Variants in RPLP0 observed in about 807,000 individuals in gnomAD.
The protein encoded by RPLP0 is large ribosomal subunit protein uL10.
For missense variants in RPLP0, 276 were observed against 402.9 expected (o/e 0.69, Z 2.70); for synonymous variants, 137 against 153.4 (o/e 0.89, Z 0.79).
chr12:120,197,244 G>T (rs796315987), intron 7 of RPLP0, 78 bp downstream of exon 7: 4 of 1,305,162 alleles, frequency 3.1e-6, no homozygotes, highest in East Asian at 4.6e-5. Context: ...AACTATAAAA[G>T]CAGTAAGGTA....
rs7299429 is a variant in RPLP0 at position 120,198,044 on chromosome 12, G to T, written c.651+510C>A. Among the ~76,000 whole-genome samples, 32,946 of 151,778 alleles carry T rather than the reference G, an allele frequency of 0.22. 4,406 individuals are homozygous for T. Among genetic ancestry groups the T allele is most frequent in the East Asian group, 0.56 (2,865 of 5,156 alleles). On this transcript the variant is annotated intron_variant, in intron 6 of 7. Transcript: ENST00000392514. This position sits in a 1 kb window ranked among gnomAD's most constrained non-coding sequence, Gnocchi z 4.1. ...CTTAAAAGGCTTTTGATGGCAAAAT[G>T]TGAGTCTCAATGCAGGCCCTAGAAT... is the stretch of plus-strand genomic sequence containing the variant.
intron 6 of RPLP0, 108 bp from the exon 7 acceptor site, chr12:120,197,570 G>C (rs1382029096): frequency 1.5e-6 from 2 of 1,337,934 alleles, no homozygotes; most frequent in African/African-American, 2.9e-5. Context: ...CAGGTTGGCA[G>C]CTCAGTCTCA....
In RPLP0 at chr12:120,198,542, G is replaced by A. The variant is rs760450764; in HGVS notation, c.651+12C>T. 19 of 1,613,964 alleles carry A rather than the reference G, an allele frequency of 1.2e-5. No homozygotes were observed. Among genetic ancestry groups the A allele is most frequent in the African/African-American group, 2.7e-5 (2 of 74,904 alleles). On this transcript the variant is annotated intron_variant, in intron 6 of 7. Coordinates refer to ENST00000392514, the MANE Select transcript of RPLP0 (RefSeq NM_001002.4). The surrounding 1 kb of genome is among the most constrained non-coding windows in gnomAD (Gnocchi z 4.1). The stretch of plus-strand genomic sequence containing the variant: ...CATCAGTGTAAGAGGGGGCAAGGCT[G>A]ACAGCATATACCTCCAGGAAGCGAG...
At chr12:120,199,059 C>T (rs1268932170) in intron 4 of RPLP0, 59 bp from the exon 5 acceptor site, 1 of 1,611,408 alleles carries the variant, frequency 6.2e-7, no homozygotes, top group Admixed American at 1.7e-5. Context: ...TGAGAATGGT[C>T]CATTTTGCTT....
At chr12:120,197,297 T>G (rs1879218395) in intron 7 of RPLP0, 25 bp downstream of exon 7, 1 of 1,607,566 alleles carries the variant, frequency 6.2e-7, no homozygotes, top group Non-Finnish European at 8.5e-7. Context: ...TCAGGCCCAC[T>G]GTGGTCCTGG....
rs1879197071 is a variant in RPLP0, at chr12:120,196,784, G to A, written c.943C>T (p.Leu315Phe). The A allele has an allele frequency of 6.3e-7, 1 of 1,576,104 alleles. No homozygotes were observed. The highest frequency in any genetic ancestry group is 8.7e-7 in the Non-Finnish European group (1 of 1,155,804). Residue 315 changes from leucine (L) to phenylalanine (F), a missense_variant, in exon 8 of 8, where the codon CTC (leucine) becomes TTC (phenylalanine). Leu to Phe is a conservative substitution (Grantham distance 22). Coordinates refer to ENST00000392514, the MANE Select transcript of RPLP0 (RefSeq NM_001002.4). ...EESDEDMGFG[L>F]FD The stretch of plus-strand genomic sequence containing the variant: ...TTGCTTTTTGGTGATTAGTCAAAGA[G>A]ACCAAATCCCATATCCTCGTCCGAC...
chr12:120,200,500 A>G (rs1050340201), intron 2 of RPLP0: 23 of 531,064 alleles, frequency 4.3e-5, no homozygotes, highest in African/African-American at 4.3e-4. Flanking sequence ...TTTAGAAGCC[A>G]GACAGACCTG....
chr12:120,199,246 C>T (rs367982267), intron 3 of RPLP0, 41 bp from the exon 4 acceptor site: 5 of 1,612,914 alleles, frequency 3.1e-6, no homozygotes, highest in East Asian at 2.2e-5. Flanking sequence ...CCTTTCAGCA[C>T]CATTCTCCAG....
chr12:120,198,216 A>C lies in RPLP0; in HGVS notation c.651+338T>G. 3.4e-6 allele frequency: 1 copy of C among 295,286 alleles called. No homozygotes were observed. Among genetic ancestry groups the C allele is most frequent in the Non-Finnish European group, 6.6e-6 (1 of 150,660 alleles). 18.3% of individuals were successfully genotyped at this position (295,286 alleles called of 1,614,324 possible). The stretch of plus-strand genomic sequence containing the variant: ...GACACCATCCTGGCTAACGCGGTGA[A>C]ACCTAAAAATACAAAAAAATTAGCC... On this transcript the variant is annotated intron_variant, in intron 6 of 7. Transcript: ENST00000392514. The surrounding 1 kb of genome is among the most constrained non-coding windows in gnomAD (Gnocchi z 4.1).
intron 2 of RPLP0, 180 bp from the exon 3 acceptor site, chr12:120,199,665 T>G (rs1594299588): frequency 4.8e-6 from 3 of 624,494 alleles, no homozygotes; most frequent in Non-Finnish European, 5.5e-6. Context: ...GCTAGCTGGG[T>G]ATGAACGCTG....
chr12:120,200,685 C>T, intron 2 of RPLP0, 45 bp downstream of exon 2: 1 of 1,588,822 alleles, frequency 6.3e-7, no homozygotes. Context: ...TCCCTATTTG[C>T]GCTGGGGCAA....
intron 2 of RPLP0, chr12:120,200,480 A>T (rs935266622): frequency 6.2e-6 from 3 of 484,120 alleles, no homozygotes; most frequent in Non-Finnish European, 1.1e-5. Flanking sequence ...AAAAGTATAA[A>T]GCGCGCTCTT....
At chr12:120,200,862 C>A in intron 1 of RPLP0, 31 bp from the exon 2 acceptor site, 4 of 1,552,728 alleles carry the variant, frequency 2.6e-6, no homozygotes, top group South Asian at 1.2e-5. Flanking sequence ...CAGGCCTGGT[C>A]ACGCCGACAC....
intron 7 of RPLP0, 58 bp from the exon 8 acceptor site, chr12:120,196,992 C>G (rs190001053): frequency 2.5e-5 from 40 of 1,604,678 alleles, no homozygotes; most frequent in Non-Finnish European, 3.1e-5. Context: ...TTACCCACCA[C>G]CCTCCTGCCT....
rs1879261662 is a variant in RPLP0 at position 120,198,313 on chromosome 12, G to A, written c.651+241C>T. 2.1e-6 allele frequency: 1 copy of A among 478,282 alleles called. No individual in the cohort carries two copies. The highest frequency in any genetic ancestry group is 3.4e-5 in the Admixed American group (1 of 29,394). 29.6% of individuals were successfully genotyped at this position (478,282 alleles called of 1,614,324 possible). A position where few individuals can be genotyped will look rare whatever the true frequency, so the allele number is the denominator to read the frequency against. The stretch of plus-strand genomic sequence containing the variant: ...GGCAGGAGAATGGTGTGAACCCGGA[G>A]GCGGAGCTTGCAGTGAGCCGGGAGA... On this transcript the variant is annotated intron_variant, in intron 6 of 7. Coordinates refer to ENST00000392514, the MANE Select transcript of RPLP0 (RefSeq NM_001002.4). This position sits in a 1 kb window ranked among gnomAD's most constrained non-coding sequence, Gnocchi z 4.1.
intron 6 of RPLP0, 27 bp from the exon 7 acceptor site, chr12:120,197,489 G>C: frequency 1.2e-6 from 2 of 1,610,954 alleles, no homozygotes; most frequent in African/African-American, 1.3e-5. Flanking sequence ...TTCATTTTAC[G>C]TGAGATTCCC....
At chr12:120,197,953 G>C (rs1014269732) in intron 6 of RPLP0, 1 of 165,400 alleles carries the variant, frequency 6.0e-6, no homozygotes, top group Middle Eastern at 3.1e-3. Context: ...TTGTGAGACA[G>C]AGTCTCACTC....
At chr12:120,200,156 C>T (rs1445685541) in intron 2 of RPLP0, 3 of 454,756 alleles carry the variant, frequency 6.6e-6, no homozygotes, top group Non-Finnish European at 1.3e-5. Context: ...CAGACCTTCT[C>T]AAAAATGGAG....
intron 6 of RPLP0, 61 bp from the exon 7 acceptor site, chr12:120,197,523 G>A: frequency 6.4e-7 from 1 of 1,570,898 alleles, no homozygotes; most frequent in Non-Finnish European, 8.7e-7. Context: ...GTCCAAGTAA[G>A]GGTGAATAAA....
Sources: allele counts gnomAD v4.1 joint callset (sites outside exome capture counted in the v4.1 genomes callset), GRCh38; gene constraint gnomAD v4.1.1; non-coding constraint Gnocchi (gnomAD v3.1); transcripts MANE v1.5; gene names NCBI Gene and HGNC (gene_info 2026-07-23, HGNC 2026-07-21).